The following RNF220 variants were observed in gnomAD, a reference collection of about 807,000 sequenced individuals.
RNF220 encodes ring finger protein 220.
In RNF220, 7 loss-of-function variants were observed where a neutral mutation model predicts 67.1. The observed-to-expected ratio is 0.10, with a 90% CI of 0.06 to 0.20. The LOEUF (loss-of-function observed/expected upper bound fraction) is 0.20. RNF220 is among the 10% of genes least tolerant of loss of function. RNF220 has a pLI of 1.00. For synonymous variants in RNF220, 270 were observed against 283.2 expected (o/e 0.95, Z 0.47); for missense variants, 565 against 740.3 (o/e 0.76, Z 2.75).
chr1:44,422,577 A>T (rs1649346901), intron 2 of RNF220, among the ~76,000 whole-genome samples: 1 of 152,176 alleles, frequency 6.6e-6, no homozygotes, highest in Admixed American at 6.5e-5. Context: ...TCTTTATTTA[A>T]AGTGAGTGCC....
At chr1:44,466,384 T>A (rs1157353294) in intron 2 of RNF220, among the ~76,000 whole-genome samples, 1 of 152,252 alleles carries the variant, frequency 6.6e-6, no homozygotes, top group Admixed American at 6.5e-5. Context: ...AGGGTTGGAA[T>A]TAACTTCTTC....
intron 2 of RNF220, among the ~76,000 whole-genome samples, chr1:44,454,093 A>G (rs754085826): frequency 3.0e-4 from 45 of 152,078 alleles, no homozygotes; most frequent in Non-Finnish European, 6.2e-4. Context: ...GGGTGTGTGG[A>G]CTCCCAGATA....
At chr1:44,416,805 G>C (rs1648587325) in intron 2 of RNF220, among the ~76,000 whole-genome samples, 2 of 152,222 alleles carry the variant, frequency 1.3e-5, no homozygotes, top group South Asian at 4.1e-4. Flanking sequence ...GCAGCTCCTG[G>C]ATGTTCTGCT....
Position 44,546,528 on chromosome 1 carries a change from G to A in RNF220, c.626-67637G>A, listed in dbSNP as rs550534736. On this transcript the variant is annotated intron_variant, in intron 2 of 14. Coordinates refer to ENST00000361799, the MANE Select transcript of RNF220 (RefSeq NM_018150.4). ...AATTTGGAAGCCATTGTTTACAGACGTCTGGCTGTACAGGGGGATTTATTG... is the reference window on the plus strand; with the variant it reads ...AATTTGGAAGCCATTGTTTACAGACATCTGGCTGTACAGGGGGATTTATTG... Among the ~76,000 whole-genome samples the A allele has an allele frequency of 3.9e-5, 6 of 152,280 alleles. No homozygotes were observed. The South Asian group carries it at 8.3e-4, about 21-fold the overall frequency.
chr1:44,619,200 T>C (rs1284292481), intron 3 of RNF220, among the ~76,000 whole-genome samples: 1 of 152,154 alleles, frequency 6.6e-6, no homozygotes, highest in Non-Finnish European at 1.5e-5. Context: ...AGCTAAAAGT[T>C]GGGCTTGGCT....
chr1:44,478,878 G>A (rs12126780), intron 2 of RNF220, among the ~76,000 whole-genome samples: 152,206 of 152,300 alleles, frequency 1, 76,056 homozygotes, highest in Middle Eastern at 1. Context: ...ATTGTTCCCC[G>A]TGGCTGTTGG....
At chr1:44,473,844 A>G (rs761590258) in intron 2 of RNF220, among the ~76,000 whole-genome samples, 34 of 152,096 alleles carry the variant, frequency 2.2e-4, no homozygotes, top group Admixed American at 6.5e-5. Context: ...ACGACATACT[A>G]TTGGCTGATG....
chr1:44,646,591 T>C (rs1161693259), intron 12 of RNF220, among the ~76,000 whole-genome samples: 2 of 152,206 alleles, frequency 1.3e-5, no homozygotes, highest in Non-Finnish European at 2.9e-5. Context: ...GCACCCACCC[T>C]CGTCTGGAGG....
chr1:44,535,135 CTTTTTTT>C (rs903715852), intron 2 of RNF220, among the ~76,000 whole-genome samples: 2 of 103,010 alleles, frequency 1.9e-5, no homozygotes, highest in Non-Finnish European at 3.8e-5. Context: ...GCAGCTTCTT[CTTTTTTT>C]TTTTTTTTTT....
intron 2 of RNF220, among the ~76,000 whole-genome samples, chr1:44,460,755 G>T (rs1484236914): frequency 6.6e-6 from 1 of 152,244 alleles, no homozygotes; most frequent in African/African-American, 2.4e-5. Context: ...TGCTGGTACA[G>T]CCTCACATGC....
At chr1:44,430,003 A>T (rs1650187173) in intron 2 of RNF220, among the ~76,000 whole-genome samples, 1 of 152,092 alleles carries the variant, frequency 6.6e-6, no homozygotes. Context: ...TCTATGTTAT[A>T]GAATACTACA....
At chr1:44,597,224 A>G (rs927154532) in intron 2 of RNF220, among the ~76,000 whole-genome samples, 4 of 152,210 alleles carry the variant, frequency 2.6e-5, no homozygotes. Context: ...TAGGTAAGAC[A>G]AAGGAGGCAC....
intron 3 of RNF220, among the ~76,000 whole-genome samples, chr1:44,616,089 A>C (rs1254874021): frequency 6.6e-6 from 1 of 152,152 alleles, no homozygotes; most frequent in African/African-American, 2.4e-5. Context: ...GAATTTCCCT[A>C]TGACATGGCA....
intron 2 of RNF220, among the ~76,000 whole-genome samples, chr1:44,527,182 T>G (rs911699729): frequency 5.3e-5 from 8 of 151,964 alleles, no homozygotes; most frequent in African/African-American, 1.7e-4. Context: ...TCACTATCTC[T>G]CCTTGAATCC....
chr1:44,502,167 A>T (rs1019899675), intron 2 of RNF220, among the ~76,000 whole-genome samples: 5 of 149,248 alleles, frequency 3.4e-5, no homozygotes, highest in Admixed American at 6.7e-5. Flanking sequence ...TCACACACAC[A>T]CACACACACA....
chr1:44,483,303 C>T (rs755992027), intron 2 of RNF220, among the ~76,000 whole-genome samples: 6 of 152,124 alleles, frequency 3.9e-5, no homozygotes, highest in Non-Finnish European at 7.3e-5. Flanking sequence ...ACCTGTTCTA[C>T]CTTGCTCAAT....
At chr1:44,507,035 G>A in intron 2 of RNF220, among the ~76,000 whole-genome samples, 1 of 152,102 alleles carries the variant, frequency 6.6e-6, no homozygotes, top group Non-Finnish European at 1.5e-5. Flanking sequence ...GTGGTACAAT[G>A]ACAAGGAGAA....
At chr1:44,631,855 TTCTGCCGGTTGCTACCCGA>T in intron 5 of RNF220, 1 of 968,384 alleles carries the variant, frequency 1.0e-6, no homozygotes. Context: ...CCGGGGAGGC[TTCTGCCGGTTGCTACCCGA>T]GTACAAACGG....
chr1:44,562,102 G>A (rs1663616154), intron 2 of RNF220, among the ~76,000 whole-genome samples: 1 of 152,192 alleles, frequency 6.6e-6, no homozygotes, highest in African/African-American at 2.4e-5. Context: ...GCAGAAGAGG[G>A]GTTATCTAGA....
Sources: allele counts gnomAD v4.1 joint callset (sites outside exome capture counted in the v4.1 genomes callset), GRCh38; gene constraint gnomAD v4.1.1; transcripts MANE v1.5; gene names NCBI Gene and HGNC (gene_info 2026-07-23, HGNC 2026-07-21).